The following ME1 variants were observed in gnomAD, a reference collection of about 807,000 sequenced individuals.
ME1 encodes the protein NADP-dependent malic enzyme.
In ME1, 74 loss-of-function variants were observed where a neutral mutation model predicts 66.4. The observed-to-expected ratio is 1.11, with a 90% CI of 0.92 to 1.35. The LOEUF (loss-of-function observed/expected upper bound fraction) is 1.35, where lower values mean the gene tolerates loss of function less well. ME1 is among the 40% of genes most tolerant of loss of function. The probability of loss-of-function intolerance (pLI) is 0.00; values close to 1 mark genes in which losing one functional copy is unlikely to be tolerated. For synonymous variants in ME1, 251 were observed against 235.6 expected (o/e 1.07, Z -0.60); for missense variants, 750 against 694.1 (o/e 1.08, Z -0.90).
chr6:83,225,205 CAAAAAAAAAAAAA>C (rs146673365), intron 11 of ME1, among the ~76,000 whole-genome samples: 4 of 40,500 alleles, frequency 9.9e-5, no homozygotes, highest in Middle Eastern at 0.011. Flanking sequence ...GACTCCATCT[CAAAAAAAAAAAAA>C]AAAAAAAAAA....
chr6:83,420,311 G>A (rs899927094), intron 1 of ME1, among the ~76,000 whole-genome samples: 13 of 152,036 alleles, frequency 8.6e-5, no homozygotes, highest in Admixed American at 5.9e-4. Flanking sequence ...GAAGTGATCC[G>A]CCTGCCTCAG....
At chr6:83,417,740 A>T (rs1415500530) in intron 1 of ME1, among the ~76,000 whole-genome samples, 1 of 152,098 alleles carries the variant, frequency 6.6e-6, no homozygotes, top group Non-Finnish European at 1.5e-5. Context: ...CTTGATATTG[A>T]TCTCTTTAAA....
intron 6 of ME1, among the ~76,000 whole-genome samples, chr6:83,282,988 G>A (rs1767327995): frequency 6.6e-6 from 1 of 151,598 alleles, no homozygotes; most frequent in Non-Finnish European, 1.5e-5. Flanking sequence ...CAGCACTTTG[G>A]GAGGCCGAGG....
Position 83,342,100 on chromosome 6 carries a change from T to TTGCTTTC in ME1, c.600+4066_600+4072dup, listed in dbSNP as rs564721315. On this transcript the variant is annotated intron_variant, in intron 5 of 13. Transcript: ENST00000369705. Reference sequence around the variant, plus strand: ...TAACTTCACTTCAGCCTCTGATTGGTTGCTTTCTGCAACCAATCAGACTGA... The same window carrying TTGCTTTC: ...TAACTTCACTTCAGCCTCTGATTGGTTGCTTTCTGCTTTCTGCAACCAATCAGACTGA... Among the ~76,000 whole-genome samples the TTGCTTTC allele has an allele frequency of 3.3e-4, 50 of 152,180 alleles. 1 individual carries two copies. Among genetic ancestry groups the TTGCTTTC allele is most frequent in the African/African-American group, 1.1e-3 (44 of 41,514 alleles).
intron 3 of ME1, among the ~76,000 whole-genome samples, chr6:83,394,308 G>A (rs1187132751): frequency 2.0e-5 from 3 of 151,940 alleles, no homozygotes; most frequent in Middle Eastern, 3.2e-3. Context: ...AAGATAATCC[G>A]AATGTTTCTA....
rs1554164917 is a variant in ME1, at chr6:83,430,935, C to T, written c.20G>A (p.Arg7His). ...GCCGCGCTGATGGGTGTGGCGGCGA[C>T]GGGGGGCTTCGGGCTCCATGGCTGG... MEPEAPRRRHTHQRGYL... is the reference protein window; with the variant it reads MEPEAPHRRHTHQRGYL... Residue 7 changes from arginine to histidine, a missense_variant, in exon 1 of 14, where the codon CGT becomes CAT. By Grantham distance (29) the Arg-to-His change is conservative (BLOSUM62 0). Transcript: ENST00000369705. The T allele has an allele frequency of 5.0e-6, 8 of 1,587,678 alleles. No homozygotes were observed. The highest frequency in any genetic ancestry group is 1.7e-5 in the Admixed American group (1 of 57,190).
intron 13 of ME1, among the ~76,000 whole-genome samples, chr6:83,216,296 G>T (rs112811043): frequency 2.6e-5 from 4 of 152,018 alleles, no homozygotes; most frequent in Admixed American, 2.6e-4. Flanking sequence ...TTAATTATTC[G>T]GCCCAATACT....
chr6:83,418,634 T>C (rs1376661317), intron 1 of ME1, among the ~76,000 whole-genome samples: 1 of 152,166 alleles, frequency 6.6e-6, no homozygotes, highest in Non-Finnish European at 1.5e-5. Context: ...AGTTGACAGA[T>C]AAAATTAATC....
At chr6:83,263,071 TGCTCC>T (rs1766926585) in intron 6 of ME1, among the ~76,000 whole-genome samples, 1 of 152,252 alleles carries the variant, frequency 6.6e-6, no homozygotes, top group South Asian at 2.1e-4. Flanking sequence ...ATTTTGGTAA[TGCTCC>T]CAATATTTCA....
chr6:83,411,138 G>A (rs768769931), intron 1 of ME1, among the ~76,000 whole-genome samples: 1 of 152,160 alleles, frequency 6.6e-6, no homozygotes, highest in East Asian at 1.9e-4. Flanking sequence ...CAGCACTTTG[G>A]GAGGCCAGGG....
chr6:83,357,457 C>T lies in ME1; in HGVS notation c.363-5318G>A, dbSNP rs756736867. On this transcript the variant is annotated intron_variant, in intron 3 of 13. Transcript: ENST00000369705. ...TAATGTATCTGATGGCCAAATTGTCCCAGGTTTGCCAGAGGGAGGCCCTTC... is the reference window on the plus strand; with the variant it reads ...TAATGTATCTGATGGCCAAATTGTCTCAGGTTTGCCAGAGGGAGGCCCTTC... Among the ~76,000 whole-genome samples, 4 of 152,008 alleles carry T rather than the reference C, an allele frequency of 2.6e-5. No individual in the cohort carries two copies. In the East Asian group the frequency reaches 7.7e-4, roughly 29 times the overall value.
intron 7 of ME1, among the ~76,000 whole-genome samples, chr6:83,240,468 A>T (rs143533461): frequency 6.6e-6 from 1 of 152,118 alleles, no homozygotes; most frequent in Non-Finnish European, 1.5e-5. Flanking sequence ...AGTTCCAATT[A>T]TATTACTTTA....
intron 7 of ME1, among the ~76,000 whole-genome samples, chr6:83,247,696 G>C (rs1034430535): frequency 6.6e-6 from 1 of 152,146 alleles, no homozygotes; most frequent in South Asian, 2.1e-4. Context: ...AAGAACATAA[G>C]GTTAAAAAGG....
At chr6:83,262,486 T>A (rs1376292770) in intron 6 of ME1, among the ~76,000 whole-genome samples, 1 of 152,228 alleles carries the variant, frequency 6.6e-6, no homozygotes, top group African/African-American at 2.4e-5. Context: ...ACCTCAATCA[T>A]GTCATTTACT....
At chr6:83,375,139 A>G (rs1769262695) in intron 3 of ME1, among the ~76,000 whole-genome samples, 1 of 152,102 alleles carries the variant, frequency 6.6e-6, no homozygotes, top group Non-Finnish European at 1.5e-5. Flanking sequence ...AAGAATGTCA[A>G]TGGTAGTTTG....
At chr6:83,312,560 G>A (rs1767951510) in intron 6 of ME1, among the ~76,000 whole-genome samples, 1 of 152,116 alleles carries the variant, frequency 6.6e-6, no homozygotes, top group African/African-American at 2.4e-5. Context: ...GGAGAAAGAG[G>A]GGGAGGTTGA....
At chr6:83,430,763 G>T (rs867880975) in intron 1 of ME1, 114 bp downstream of exon 1, 1 of 926,730 alleles carries the variant, frequency 1.1e-6, no homozygotes. Context: ...CGCTCACCGG[G>T]AACCTTCCCA....
At chr6:83,351,833 T>C (rs912909436) in intron 4 of ME1, among the ~76,000 whole-genome samples, 2 of 152,114 alleles carry the variant, frequency 1.3e-5, no homozygotes, top group Non-Finnish European at 2.9e-5. Context: ...TTACTTAGAA[T>C]GGAGGTACTA....
At chr6:83,310,980 C>T (rs1410024255) in intron 6 of ME1, among the ~76,000 whole-genome samples, 1 of 152,150 alleles carries the variant, frequency 6.6e-6, no homozygotes, top group Non-Finnish European at 1.5e-5. Context: ...AATGGGATGT[C>T]TGGTTTGATG....
Sources: gnomAD v4.1 joint callset for allele counts (sites outside exome capture counted in the v4.1 genomes callset) on GRCh38, gnomAD v4.1.1 for gene constraint, MANE v1.5 for transcripts, NCBI Gene and HGNC (gene_info 2026-07-23, HGNC 2026-07-21) for gene names.